The following ISM1 variants were observed in gnomAD, a reference collection of about 807,000 sequenced individuals.
ISM1 encodes isthmin 1, also known as isthmin-1.
A neutral mutation model predicts 46.3 loss-of-function variants in ISM1; 25 were observed. That is an observed-to-expected ratio of 0.54 (90% CI 0.39 to 0.75). The LOEUF (loss-of-function observed/expected upper bound fraction) is 0.75, where lower values mean the gene tolerates loss of function less well. Among genes scored for constraint, ISM1 ranks in the 30% least tolerant of loss-of-function variants. The pLI is 0.00. For missense variants in ISM1, 536 were observed against 625.4 expected, an observed-to-expected ratio of 0.86 and a Z score of 1.52; for synonymous variants, 255 against 256.7, an observed-to-expected ratio of 0.99 and a Z score of 0.06.
At chr20:13,310,300 C>G in the ISM1 span, among the ~76,000 whole-genome samples, 1 of 152,170 alleles carries the variant, frequency 6.6e-6, no homozygotes, top group Non-Finnish European at 1.5e-5. Context: ...ATCTTTGACA[C>G]ATTTGCAAGA....
In ISM1 at chr20:13,221,463, C is replaced by A. The variant is rs963243032; in HGVS notation, c.-314C>A. Among the ~76,000 whole-genome samples, 1 of 145,998 alleles carries A rather than the reference C, an allele frequency of 6.8e-6. No individual in the cohort carries two copies. The highest frequency in any genetic ancestry group is 2.5e-5 in the African/African-American group (1 of 40,528). On this transcript the variant is annotated 5_prime_UTR_variant, in exon 1 of 6. Transcript: ENST00000262487. Reference sequence around the variant, plus strand: ...CCGGGCTGTCCCGGGACCCAGTCTCCGTCTCCGCCGCCGCCGCCGCCAGGC... The same window carrying A: ...CCGGGCTGTCCCGGGACCCAGTCTCAGTCTCCGCCGCCGCCGCCGCCAGGC...
chr20:13,300,960 C>A (rs559875057), downstream of ISM1, among the ~76,000 whole-genome samples: 30 of 152,342 alleles, frequency 2.0e-4, no homozygotes, highest in African/African-American at 6.5e-4. Flanking sequence ...TCTGCAATTA[C>A]AATTATAAGT....
chr20:13,305,713 T>G, the ISM1 span, among the ~76,000 whole-genome samples: 1 of 152,222 alleles, frequency 6.6e-6, no homozygotes, highest in Admixed American at 6.5e-5. Flanking sequence ...GTTTACCATA[T>G]GAGAGTAGAA....
chr20:13,226,726 A>G (rs1336021221), intron 1 of ISM1, among the ~76,000 whole-genome samples: 1 of 152,218 alleles, frequency 6.6e-6, no homozygotes, highest in East Asian at 1.9e-4. Flanking sequence ...AGTCTAGCTC[A>G]TATATCTTTA....
rs763632064 is a variant in ISM1 at position 13,299,288 on chromosome 20, C to T, written c.1224C>T (p.Thr408=). 1 of 1,612,460 alleles carries T rather than the reference C, an allele frequency of 6.2e-7. No homozygotes were observed. Among genetic ancestry groups the T allele is most frequent in the Admixed American group, 1.7e-5 (1 of 59,786 alleles). Residue 408 remains threonine (T), a synonymous_variant, in exon 6 of 6, where the codon ACC becomes ACT. Transcript: ENST00000262487. This position sits in a 1 kb window ranked among gnomAD's most constrained non-coding sequence, Gnocchi z 5.8. ...KGAGTPNLIS[T]EFSAELHYKV... ...CGGGCACGCCCAACCTCATCAGCAC[C>T]GAGTTCTCCGCGGAGCTCCACTACA...
At chr20:13,240,059 T>G (rs1164874324) in intron 1 of ISM1, among the ~76,000 whole-genome samples, 2 of 152,228 alleles carry the variant, frequency 1.3e-5, no homozygotes, top group South Asian at 2.1e-4. Flanking sequence ...TTATTTAATA[T>G]ACAACCAAAC....
Position 13,292,409 on chromosome 20 carries a change from G to A in ISM1, c.823G>A (p.Val275Met), listed in dbSNP as rs1402467414. 5 of 1,607,284 alleles carry A rather than the reference G, an allele frequency of 3.1e-6. No homozygotes were observed. The highest frequency in any genetic ancestry group is 4.2e-6 in the Non-Finnish European group (5 of 1,176,728). ...EDTFRTAATE[V>M]SLLAGSEEFN... is the part of the protein sequence containing the mutation. ...CACTTTTAGGACAGCTGCCACCGAAGTGAGTCTGCTTGCGGGAAGCGAGGA... is the reference window on the plus strand; with the variant it reads ...CACTTTTAGGACAGCTGCCACCGAAATGAGTCTGCTTGCGGGAAGCGAGGA... The change falls in exon 5 of 6, where the codon GTG (valine) becomes ATG (methionine). Residue 275 changes from valine (V) to methionine (M), a missense_variant. This residue lies in a region of ISM1 where 367 missense variants were observed against 376.1 expected (regional missense o/e 0.98). Transcript: ENST00000262487.
chr20:13,325,130 C>A, the ISM1 span, among the ~76,000 whole-genome samples: 1 of 152,216 alleles, frequency 6.6e-6, no homozygotes. Context: ...TAAGTGACCA[C>A]CAGAGGGTGC....
intron 3 of ISM1, among the ~76,000 whole-genome samples, chr20:13,283,647 T>C (rs1231801687): frequency 1.3e-5 from 2 of 152,198 alleles, no homozygotes; most frequent in African/African-American, 4.8e-5. Context: ...ATTTTAAATC[T>C]CTTCTGTGTA....
chr20:13,299,373 C>T lies in ISM1; in HGVS notation c.1309C>T (p.Arg437Trp), dbSNP rs562516676. 3 of 1,613,702 alleles carry T rather than the reference C, an allele frequency of 1.9e-6. No homozygotes were observed. Among genetic ancestry groups the T allele is most frequent in the South Asian group, 1.1e-5 (1 of 91,078 alleles). The change falls in exon 6 of 6, where the codon CGG becomes TGG. Residue 437 changes from arginine (R) to tryptophan (W), a missense_variant. Physicochemically the swap from Arg to Trp is moderately radical, Grantham distance 101. Coordinates refer to ENST00000262487, the MANE Select transcript of ISM1 (RefSeq NM_080826.2). This position sits in a 1 kb window ranked among gnomAD's most constrained non-coding sequence, Gnocchi z 5.8. ...KGDWSRYNEA[R>W]PPNNGQKCTE... is the part of the protein sequence containing the mutation. ...TGACTGGAGCAGGTATAACGAGGCCCGGCCTCCCAACAACGGACAGAAGTG... is the reference window on the plus strand; with the variant it reads ...TGACTGGAGCAGGTATAACGAGGCCTGGCCTCCCAACAACGGACAGAAGTG...
rs1399218039 is a variant in ISM1 at position 13,300,213 on chromosome 20, A to C, written c.*754A>C. On this transcript the variant is annotated 3_prime_UTR_variant, in exon 6 of 6. Coordinates refer to ENST00000262487, the MANE Select transcript of ISM1 (RefSeq NM_080826.2). ...TGCTATCATTCTGCTAAACGGCCCC[A>C]AAACAGTAGAATTTCTGCTCATGTC... 4 of 152,180 alleles carry C rather than the reference A, an allele frequency of 2.6e-5. No homozygotes were observed. Among genetic ancestry groups the C allele is most frequent in the Non-Finnish European group, 5.9e-5 (4 of 68,036 alleles). The allele number at this position is 152,180 out of a possible 1,614,324, so 9.4% of individuals were successfully genotyped here.
At chr20:13,239,959 A>T (rs549472903) in intron 1 of ISM1, among the ~76,000 whole-genome samples, 2 of 152,368 alleles carry the variant, frequency 1.3e-5, no homozygotes, top group African/African-American at 4.8e-5. Context: ...GTAAGTGTAC[A>T]TCTAAAGTGC....
At chr20:13,240,409 G>C (rs2039706262) in intron 1 of ISM1, among the ~76,000 whole-genome samples, 1 of 152,162 alleles carries the variant, frequency 6.6e-6, no homozygotes, top group Middle Eastern at 3.2e-3. Flanking sequence ...TCCTGAGCTG[G>C]GGGAATAAAA....
At chr20:13,222,478 G>C (rs1290010930) in intron 1 of ISM1, among the ~76,000 whole-genome samples, 2 of 152,006 alleles carry the variant, frequency 1.3e-5, no homozygotes, top group South Asian at 2.1e-4. Context: ...CTTCCTCCGG[G>C]AGCCTCGCCT....
intron 2 of ISM1, among the ~76,000 whole-genome samples, chr20:13,271,544 A>T (rs556017053): frequency 1.0e-3 from 153 of 152,356 alleles, no homozygotes; most frequent in Admixed American, 9.8e-3. Flanking sequence ...AATGCACCAG[A>T]TACTCAGGAA....
At chr20:13,265,937 T>G (rs1224718200) in intron 1 of ISM1, among the ~76,000 whole-genome samples, 1 of 152,154 alleles carries the variant, frequency 6.6e-6, no homozygotes, top group East Asian at 1.9e-4. Flanking sequence ...CAGCCACGCT[T>G]AGACTACAGC....
At chr20:13,273,806 A>C (rs950383103) in intron 2 of ISM1, among the ~76,000 whole-genome samples, 1 of 152,202 alleles carries the variant, frequency 6.6e-6, no homozygotes, top group South Asian at 2.1e-4. Flanking sequence ...TGCCCAGTCA[A>C]GTTATTCTAT....
chr20:13,320,098 C>T, the ISM1 span, among the ~76,000 whole-genome samples: 206 of 152,282 alleles, frequency 1.4e-3, 1 homozygote, highest in East Asian at 9.6e-3. Flanking sequence ...AAAGCAACAC[C>T]AGGGTCCCCT....
intron 1 of ISM1, among the ~76,000 whole-genome samples, chr20:13,243,621 C>A (rs1055009666): frequency 5.6e-5 from 8 of 142,918 alleles, no homozygotes; most frequent in Non-Finnish European, 1.2e-4. Flanking sequence ...GACTGCCATG[C>A]ATCCCCTCAC....
Sources: allele counts gnomAD v4.1 joint callset (sites outside exome capture counted in the v4.1 genomes callset), GRCh38; gene constraint gnomAD v4.1.1; regional missense constraint gnomAD v4.1.1; non-coding constraint Gnocchi (gnomAD v3.1); transcripts MANE v1.5; gene names NCBI Gene and HGNC (gene_info 2026-07-23, HGNC 2026-07-21).